The following ITGAV variants were observed in gnomAD, a reference collection of about 807,000 sequenced individuals.
The protein encoded by ITGAV is integrin subunit alpha V.
A neutral mutation model predicts 143.8 loss-of-function variants in ITGAV; 76 were observed. That is an observed-to-expected ratio of 0.53 (90% CI 0.44 to 0.64). The LOEUF is 0.64. ITGAV is among the 30% of genes least tolerant of loss of function. The pLI, the probability that ITGAV is intolerant of heterozygous loss-of-function variation, is 0.00. For synonymous variants in ITGAV, 453 were observed against 446.7 expected (o/e 1.01, Z -0.18); for missense variants, 1,193 against 1,274.7 (o/e 0.94, Z 0.98).
Position 186,677,201 on chromosome 2 carries a change from G to A in ITGAV, c.3056G>A (p.Gly1019Asp), listed in dbSNP as rs200510282. ...AVLVFVMYRM[G>D]FFKRVRPPQE... ...TGGTTTTTCTTCAACTGACAGATGG[G>A]CTTTTTTAAACGGGTCCGGCCACCT... is the stretch of plus-strand genomic sequence containing the variant. The change falls in exon 30 of 30, where the codon GGC (glycine) becomes GAC (aspartate). Residue 1019 changes from glycine (G) to aspartate (D), a missense_variant. Gly to Asp is a moderately conservative substitution (Grantham distance 94). Transcript: ENST00000261023. 6.2e-7 allele frequency: 1 copy of A among 1,613,372 alleles called. No homozygotes were observed. The highest frequency in any genetic ancestry group is 8.5e-7 in the Non-Finnish European group (1 of 1,179,514).
chr2:186,668,218 T>TATATA (rs1688967896), intron 24 of ITGAV, among the ~76,000 whole-genome samples: 1 of 20,704 alleles, frequency 4.8e-5, no homozygotes, highest in Admixed American at 6.3e-4. Context: ...ATATATATAT[T>TATATA]TTTTTTTTTT....
chr2:186,636,217 AC>A lies in ITGAV; in HGVS notation c.757+12del, dbSNP rs756635013. The A allele has an allele frequency of 1.7e-5, 27 of 1,605,122 alleles. No individual in the cohort carries two copies. The African/African-American group carries it at 3.6e-4, about 22-fold the overall frequency. ...GATGACAGCTATTTGGGTAGGTAAAACCAAAATTTACTCATTTTTGGAACTG... is the reference window on the plus strand; with the variant it reads ...GATGACAGCTATTTGGGTAGGTAAAACAAAATTTACTCATTTTTGGAACTG... On this transcript the variant is annotated intron_variant, in intron 7 of 29. Transcript: ENST00000261023.
chr2:186,602,757 A>T (rs1339818284), intron 2 of ITGAV, among the ~76,000 whole-genome samples: 1 of 151,926 alleles, frequency 6.6e-6, no homozygotes, highest in African/African-American at 2.4e-5. Flanking sequence ...CCTGCCTGTA[A>T]TCCCAGCTAC....
intron 4 of ITGAV, among the ~76,000 whole-genome samples, chr2:186,626,188 T>G (rs1409271657): frequency 6.6e-6 from 1 of 152,228 alleles, no homozygotes. Flanking sequence ...CACCCCTTTT[T>G]GGTGATCCAG....
At chr2:186,629,103 T>C (rs906812132) in intron 4 of ITGAV, among the ~76,000 whole-genome samples, 1 of 152,132 alleles carries the variant, frequency 6.6e-6, no homozygotes, top group African/African-American at 2.4e-5. Context: ...CTGATCTTAC[T>C]GTCAGAATCA....
chr2:186,669,486 A>G (rs61764162), intron 25 of ITGAV, among the ~76,000 whole-genome samples: 101 of 152,320 alleles, frequency 6.6e-4, no homozygotes, highest in African/African-American at 2.2e-3. Flanking sequence ...GCTGAAAATA[A>G]TGGTTAGGGA....
At chr2:186,604,931 C>G (rs1687014489) in intron 2 of ITGAV, among the ~76,000 whole-genome samples, 1 of 152,194 alleles carries the variant, frequency 6.6e-6, no homozygotes, top group Non-Finnish European at 1.5e-5. Flanking sequence ...TGCTTCTTAT[C>G]AGTCCACTGC....
At chr2:186,597,885 C>T (rs775845688) in intron 1 of ITGAV, among the ~76,000 whole-genome samples, 20 of 152,230 alleles carry the variant, frequency 1.3e-4, no homozygotes, top group Admixed American at 2.6e-4. Flanking sequence ...AGTTTCATCC[C>T]GAAAGCATCC....
At chr2:186,670,349 G>A (rs1042816835) in intron 26 of ITGAV, among the ~76,000 whole-genome samples, 2 of 152,038 alleles carry the variant, frequency 1.3e-5, no homozygotes, top group African/African-American at 2.4e-5. Flanking sequence ...CACCCAGGCT[G>A]GAGTGCAATG....
intron 1 of ITGAV, among the ~76,000 whole-genome samples, chr2:186,592,855 C>A (rs1290202746): frequency 6.6e-6 from 1 of 152,060 alleles, no homozygotes; most frequent in Non-Finnish European, 1.5e-5. Context: ...TGGAAACCAA[C>A]CTTGAATTTT....
intron 26 of ITGAV, among the ~76,000 whole-genome samples, chr2:186,670,539 G>A (rs531972667): frequency 7.9e-5 from 12 of 152,182 alleles, no homozygotes; most frequent in Admixed American, 3.9e-4. Context: ...GAGCTCAAGC[G>A]ATCTGCCCAC....
intron 24 of ITGAV, among the ~76,000 whole-genome samples, chr2:186,668,191 T>C (rs1222064453): frequency 1.4e-4 from 2 of 14,456 alleles, no homozygotes; most frequent in Non-Finnish European, 2.8e-4. Flanking sequence ...CATACATATA[T>C]ATATATATAT....
At chr2:186,622,010 G>A (rs912982457) in intron 2 of ITGAV, among the ~76,000 whole-genome samples, 16 of 151,976 alleles carry the variant, frequency 1.1e-4, no homozygotes, top group African/African-American at 3.9e-4. Context: ...GATCTTCTGG[G>A]AATAGGCGAT....
chr2:186,641,988 A>G (rs1688116494), intron 12 of ITGAV, among the ~76,000 whole-genome samples: 1 of 152,202 alleles, frequency 6.6e-6, no homozygotes, highest in Non-Finnish European at 1.5e-5. Flanking sequence ...GGCAATGCTG[A>G]CTAATGCATA....
At chr2:186,605,085 T>C (rs1335699721) in intron 2 of ITGAV, among the ~76,000 whole-genome samples, 1 of 152,190 alleles carries the variant, frequency 6.6e-6, no homozygotes, top group Admixed American at 6.5e-5. Flanking sequence ...TACCTGGGGA[T>C]TGATCGTATA....
At chr2:186,644,560 G>A (rs151098703) in intron 12 of ITGAV, among the ~76,000 whole-genome samples, 3,472 of 152,016 alleles carry the variant, frequency 0.023, 134 homozygotes, top group African/African-American at 0.079. Context: ...TCTTGACCTC[G>A]TGACCCACCC....
intron 2 of ITGAV, among the ~76,000 whole-genome samples, chr2:186,609,691 A>C (rs1687161920): frequency 6.6e-6 from 1 of 152,058 alleles, no homozygotes; most frequent in South Asian, 2.1e-4. Flanking sequence ...AATGAGATGA[A>C]ATTCCTTAGA....
In ITGAV at chr2:186,659,883, A is replaced by T. The variant is rs188305719; in HGVS notation, c.1857+708A>T. 4.6e-5 allele frequency among the ~76,000 whole-genome samples: 7 copies of T among 151,702 alleles called. No homozygotes were observed. In the East Asian group the frequency reaches 1.2e-3, roughly 25 times the overall value. ...AATTTTTATATTTTAACAATTTCAT[A>T]TTTCATCCTGTACATTAATAATCAT... On this transcript the variant is annotated intron_variant, in intron 18 of 29. Transcript: ENST00000261023.
At chr2:186,629,584 AC>A (rs999434542) in intron 4 of ITGAV, among the ~76,000 whole-genome samples, 45 of 151,858 alleles carry the variant, frequency 3.0e-4, no homozygotes, top group African/African-American at 1.1e-3. Context: ...AAAAAAAAAA[AC>A]TTTAAAAAAA....
Sources: allele counts gnomAD v4.1 joint callset (sites outside exome capture counted in the v4.1 genomes callset), GRCh38; gene constraint gnomAD v4.1.1; transcripts MANE v1.5; gene names NCBI Gene and HGNC (gene_info 2026-07-23, HGNC 2026-07-21).